Variants in COL22A1 observed in about 807,000 individuals in gnomAD.
The protein encoded by COL22A1 is collagen alpha-1(XXII) chain.
COL22A1 carries 221 observed loss-of-function variants against 248.9 expected under a neutral mutation model. That is an observed-to-expected ratio of 0.89 (90% CI 0.80 to 0.99). The LOEUF is 0.99. COL22A1 is among the 50% of genes least tolerant of loss of function. COL22A1 has a pLI of 0.00. For synonymous variants in COL22A1, 891 were observed against 793.4 expected (o/e 1.12, Z -2.07); for missense variants, 2,240 against 2,179.0 (o/e 1.03, Z -0.56).
At chr8:138,724,581 G>T in intron 25 of COL22A1, 34 bp downstream of exon 25, 1 of 1,604,992 alleles carries the variant, frequency 6.2e-7, no homozygotes, top group South Asian at 1.1e-5. Context: ...GGGAGAGGGA[G>T]GAGGGGAGCA....
intron 10 of COL22A1, among the ~76,000 whole-genome samples, chr8:138,807,074 A>G (rs1335399532): frequency 1.3e-5 from 2 of 152,164 alleles, no homozygotes; most frequent in Non-Finnish European, 2.9e-5. Context: ...GTGGAAGGAA[A>G]GAGAGAGATG....
chr8:138,726,507 A>T (rs2131180013), intron 23 of COL22A1, among the ~76,000 whole-genome samples: 1 of 151,314 alleles, frequency 6.6e-6, no homozygotes, highest in Admixed American at 6.6e-5. Flanking sequence ...ACAAAAAAAA[A>T]AAAAAAGAAA....
Position 138,674,523 on chromosome 8 carries a change from C to T in COL22A1, c.3150+2035G>A, listed in dbSNP as rs558974224. ...TCCAAGAGGTAGCCAAGATACTAAA[C>T]AGTTGATTTACAGCCTCTTGACTAG... On this transcript the variant is annotated intron_variant, in intron 41 of 64. Coordinates refer to ENST00000303045, the MANE Select transcript of COL22A1 (RefSeq NM_152888.3). Among the ~76,000 whole-genome samples the T allele has an allele frequency of 5.3e-5, 8 of 152,348 alleles. No individual in the cohort carries two copies. The South Asian group carries it at 1.5e-3, about 28-fold the overall frequency.
In COL22A1 at chr8:138,779,496, C is replaced by T. The variant is rs1814758365; in HGVS notation, c.1704+13G>A. On this transcript the variant is annotated intron_variant, in intron 14 of 64. Coordinates refer to ENST00000303045, the MANE Select transcript of COL22A1 (RefSeq NM_152888.3). ...GGGAGCATCAGAAGGGCCCAGCTCA[C>T]AGCAACACTCACCCGCATGCCGACC... is the stretch of plus-strand genomic sequence containing the variant. 6.2e-7 allele frequency: 1 copy of T among 1,605,804 alleles called. No individual in the cohort carries two copies. Among genetic ancestry groups the T allele is most frequent in the Non-Finnish European group, 8.5e-7 (1 of 1,172,554 alleles).
At chr8:138,768,464 A>G (rs62530720) in intron 16 of COL22A1, among the ~76,000 whole-genome samples, 31,339 of 152,226 alleles carry the variant, frequency 0.21, 3,416 homozygotes, top group East Asian at 0.31. Context: ...TGTGGCAGAG[A>G]CATGCAGGTG....
chr8:138,619,477 G>C lies in COL22A1; in HGVS notation c.3803C>G (p.Pro1268Arg). 5 of 1,614,138 alleles carry C rather than the reference G, an allele frequency of 3.1e-6. No individual in the cohort carries two copies. Among genetic ancestry groups the C allele is most frequent in the Non-Finnish European group, 4.2e-6 (5 of 1,179,994 alleles). ...GKAGEPGLPG[P>R]EGARGPPGFK... ...TACAGGTGGGCCTCGGGCACCCTCT[G>C]GTCCTGGTAGACCTGGCTCTCCTGC... The change falls in exon 53 of 65, where the codon CCA (proline) becomes CGA (arginine). Residue 1268 changes from proline (P) to arginine (R), a missense_variant. By Grantham distance (103) the Pro-to-Arg change is moderately radical. Transcript: ENST00000303045.
chr8:138,883,338 C>T (rs891905901), intron 1 of COL22A1, 94 bp from the exon 2 acceptor site: 51 of 673,514 alleles, frequency 7.6e-5, no homozygotes, highest in Admixed American at 1.2e-4. Flanking sequence ...TCCCTACACC[C>T]AGCCTTCCAA....
At chr8:138,737,396 G>A (rs975320072) in intron 23 of COL22A1, 128 bp downstream of exon 23, 68 of 698,684 alleles carry the variant, frequency 9.7e-5, no homozygotes, top group African/African-American at 6.3e-4. Flanking sequence ...CCCACTGGCT[G>A]TTCTTTTTAA....
chr8:138,733,431 G>C (rs139281444), intron 23 of COL22A1, among the ~76,000 whole-genome samples: 2 of 152,148 alleles, frequency 1.3e-5, no homozygotes, highest in African/African-American at 4.8e-5. Context: ...TTCCCATAAC[G>C]CAAAGCTAAT....
intron 3 of COL22A1, among the ~76,000 whole-genome samples, chr8:138,855,315 G>C (rs1366611261): frequency 6.6e-6 from 1 of 152,168 alleles, no homozygotes; most frequent in East Asian, 1.9e-4. Flanking sequence ...GAATAAATGA[G>C]GGAAATAAGG....
chr8:138,620,963 AT>A (rs1564106574), intron 52 of COL22A1, among the ~76,000 whole-genome samples: 75 of 94,600 alleles, frequency 7.9e-4, no homozygotes, highest in African/African-American at 2.2e-3. Context: ...CCATCCATCC[AT>A]CCATCCATCC....
At chr8:138,780,372 A>G (rs1352313952) in intron 13 of COL22A1, among the ~76,000 whole-genome samples, 1 of 152,186 alleles carries the variant, frequency 6.6e-6, no homozygotes, top group African/African-American at 2.4e-5. Context: ...AAGGGATCAG[A>G]GAGGTGAAGA....
At chr8:138,667,885 A>G (rs1554740058) in intron 41 of COL22A1, among the ~76,000 whole-genome samples, 1 of 152,134 alleles carries the variant, frequency 6.6e-6, no homozygotes, top group Non-Finnish European at 1.5e-5. Context: ...ACATCAAGCC[A>G]GAATCAGATC....
At chr8:138,660,300 A>G (rs765740083) in intron 44 of COL22A1, 136 bp downstream of exon 44, 25 of 698,520 alleles carry the variant, frequency 3.6e-5, no homozygotes, top group Non-Finnish European at 4.8e-5. Flanking sequence ...ACAACATCCC[A>G]TATTAGTTTC....
chr8:138,685,615 A>G (rs1198419545), intron 37 of COL22A1, among the ~76,000 whole-genome samples: 1 of 152,202 alleles, frequency 6.6e-6, no homozygotes, highest in African/African-American at 2.4e-5. Context: ...CAATATGAGT[A>G]GCGTCTTTTA....
chr8:138,690,994 C>A, intron 35 of COL22A1, 120 bp from the exon 36 acceptor site: 2 of 717,350 alleles, frequency 2.8e-6, no homozygotes, highest in Non-Finnish European at 4.4e-6. Flanking sequence ...TGCTGCTGAC[C>A]TGACAGCCTC....
intron 4 of COL22A1, 91 bp from the exon 5 acceptor site, chr8:138,833,241 T>A (rs894184052): frequency 1.5e-5 from 12 of 809,960 alleles, no homozygotes; most frequent in Non-Finnish European, 2.6e-5. Context: ...AAAGGCAGCC[T>A]GCCCATCCTG....
chr8:138,740,256 T>C (rs1831443399), intron 22 of COL22A1, among the ~76,000 whole-genome samples: 1 of 152,170 alleles, frequency 6.6e-6, no homozygotes, highest in African/African-American at 2.4e-5. Context: ...AAGCCAGCAA[T>C]GTAACTGTGT....
intron 23 of COL22A1, among the ~76,000 whole-genome samples, chr8:138,725,657 A>C (rs1382961235): frequency 6.6e-6 from 1 of 152,246 alleles, no homozygotes; most frequent in East Asian, 1.9e-4. Context: ...TATTTGGGTG[A>C]TGGGCATGCC....
Sources: gnomAD v4.1 joint callset for allele counts (sites outside exome capture counted in the v4.1 genomes callset) on GRCh38, gnomAD v4.1.1 for gene constraint, MANE v1.5 for transcripts, NCBI Gene and HGNC (gene_info 2026-07-23, HGNC 2026-07-21) for gene names.